TENM2: variants seen among roughly 807,000 people sequenced by gnomAD.
The protein encoded by TENM2 is teneurin transmembrane protein 2, also known as teneurin-2.
TENM2 carries 52 observed loss-of-function variants against 245.2 expected under a neutral mutation model. That is an observed-to-expected ratio of 0.21 (90% CI 0.17 to 0.27). The LOEUF (loss-of-function observed/expected upper bound fraction) is 0.27. TENM2 is among the 10% of genes least tolerant of loss of function. The pLI, the probability that TENM2 is intolerant of heterozygous loss-of-function variation, is 1.00. For synonymous variants in TENM2, 1,363 were observed against 1,438.9 expected (o/e 0.95, Z 1.19); for missense variants, 3,046 against 3,666.8 (o/e 0.83, Z 4.37).
At chr5:167,827,412 C>T (rs1768057740) in intron 2 of TENM2, among the ~76,000 whole-genome samples, 1 of 152,116 alleles carries the variant, frequency 6.6e-6, no homozygotes, top group African/African-American at 2.4e-5. Context: ...CATGGCTTAA[C>T]TTGTACACAG....
At chr5:168,151,203 A>G (rs1159698124) in intron 12 of TENM2, among the ~76,000 whole-genome samples, 1 of 152,210 alleles carries the variant, frequency 6.6e-6, no homozygotes, top group Non-Finnish European at 1.5e-5. Flanking sequence ...GGGGAGTTCT[A>G]TTGACAACTT....
At chr5:167,561,972 C>T (rs1217531337) in intron 2 of TENM2, among the ~76,000 whole-genome samples, 1 of 152,130 alleles carries the variant, frequency 6.6e-6, no homozygotes, top group Non-Finnish European at 1.5e-5. Context: ...GTCTCTGTGC[C>T]TGTTGGTGCT....
chr5:167,469,873 C>A (rs2127507820), intron 2 of TENM2, among the ~76,000 whole-genome samples: 1 of 152,070 alleles, frequency 6.6e-6, no homozygotes, highest in Non-Finnish European at 1.5e-5. Context: ...AAATTTCTTA[C>A]CTTTCAGAAA....
intron 2 of TENM2, among the ~76,000 whole-genome samples, chr5:167,791,898 A>T (rs755983984): frequency 9.9e-5 from 15 of 152,092 alleles, no homozygotes; most frequent in Non-Finnish European, 1.8e-4. Context: ...GATGGAACAT[A>T]CATTTTCCAG....
At chr5:167,510,649 G>C (rs951491375) in intron 2 of TENM2, among the ~76,000 whole-genome samples, 1 of 151,184 alleles carries the variant, frequency 6.6e-6, no homozygotes, top group South Asian at 2.1e-4. Context: ...AGGAAGGAAG[G>C]AAAGAAAGAG....
chr5:167,698,717 T>C (rs1165983681), intron 2 of TENM2, among the ~76,000 whole-genome samples: 3 of 140,826 alleles, frequency 2.1e-5, no homozygotes, highest in South Asian at 2.3e-4. Flanking sequence ...ATAATCTCGC[T>C]CTTTTGCCCC....
intron 9 of TENM2, among the ~76,000 whole-genome samples, chr5:168,107,090 C>T (rs765253339): frequency 6.6e-6 from 1 of 152,010 alleles, no homozygotes; most frequent in Non-Finnish European, 1.5e-5. Context: ...ATCTTCTGAC[C>T]TCAGAGCCTG....
chr5:167,588,526 G>A (rs938652786), intron 2 of TENM2, among the ~76,000 whole-genome samples: 11 of 152,144 alleles, frequency 7.2e-5, no homozygotes, highest in Admixed American at 7.2e-4. Context: ...CATTGTTAAG[G>A]GATATTGTTT....
At chr5:168,210,007 C>G (rs6876382) in intron 19 of TENM2, among the ~76,000 whole-genome samples, 13,970 of 152,142 alleles carry the variant, frequency 0.092, 919 homozygotes, top group East Asian at 0.27. Flanking sequence ...TCTCAATTCT[C>G]CCATCTGAAA....
At chr5:167,587,473 G>T (rs1775585586) in intron 2 of TENM2, among the ~76,000 whole-genome samples, 1 of 152,168 alleles carries the variant, frequency 6.6e-6, no homozygotes, top group Non-Finnish European at 1.5e-5. Context: ...TTTGGAAGGA[G>T]AAGCATGATA....
In TENM2 at chr5:167,313,916, A is replaced by T. The variant is rs531440806; in HGVS notation, c.226+28853A>T. On this transcript the variant is annotated intron_variant, in intron 1 of 28. Transcript: ENST00000518659. ...CCCATTTGGAGTAAAGAACGTCCAG[A>T]TGTCCTCAAAATAAGTGTCCTTTCT... 3.9e-5 allele frequency among the ~76,000 whole-genome samples: 6 copies of T among 152,334 alleles called. No individual in the cohort carries two copies. The South Asian group carries it at 1.2e-3, about 32-fold the overall frequency.
At chr5:167,303,077 GGTTA>G (rs1383936512) in intron 1 of TENM2, 2 of 153,108 alleles carry the variant, frequency 1.3e-5, no homozygotes, top group African/African-American at 4.8e-5. Context: ...GATGGTTGAC[GGTTA>G]GTGAGAGAGG....
chr5:167,587,893 C>G (rs117203451), intron 2 of TENM2, among the ~76,000 whole-genome samples: 2 of 152,160 alleles, frequency 1.3e-5, no homozygotes, highest in African/African-American at 4.8e-5. Flanking sequence ...TTTTTCCCCC[C>G]TTAGCCCGTG....
intron 2 of TENM2, among the ~76,000 whole-genome samples, chr5:167,698,212 T>C (rs1757896478): frequency 6.6e-6 from 1 of 152,222 alleles, no homozygotes; most frequent in Admixed American, 6.5e-5. Flanking sequence ...CCTGGTTGTT[T>C]TTACCTTCGT....
chr5:168,262,643 G>C (rs751228959), exon 29 of TENM2: 1 of 1,601,292 alleles, frequency 6.2e-7, no homozygotes, highest in Admixed American at 1.7e-5. Flanking sequence ...GGACGGGAGA[G>C]AGGGGAGCCG....
Position 167,538,420 on chromosome 5 carries a change from T to G in TENM2, c.502+162947T>G, listed in dbSNP as rs1233846700. On this transcript the variant is annotated intron_variant, in intron 2 of 28. Coordinates refer to ENST00000518659, the Ensembl canonical transcript of TENM2. ...AGGTTCTGTCAGTCAGCCTGCTGGA[T>G]TGACTGGTGATGTCTTGATTGGGTA... 2.0e-5 allele frequency among the ~76,000 whole-genome samples: 3 copies of G among 152,224 alleles called. No individual in the cohort carries two copies. The East Asian group carries it at 5.8e-4, about 29-fold the overall frequency.
chr5:168,170,362 G>A (rs973348285), intron 13 of TENM2, among the ~76,000 whole-genome samples: 1 of 151,948 alleles, frequency 6.6e-6, no homozygotes, highest in Non-Finnish European at 1.5e-5. Flanking sequence ...AAATTAGCCG[G>A]GCATAGTGGC....
chr5:167,556,308 C>T (rs1307008910), intron 2 of TENM2, among the ~76,000 whole-genome samples: 2 of 151,896 alleles, frequency 1.3e-5, no homozygotes, highest in African/African-American at 4.8e-5. Context: ...AAACTTAATT[C>T]AATGGTAGCC....
intron 3 of TENM2, among the ~76,000 whole-genome samples, chr5:167,887,108 G>A (rs531313938): frequency 6.6e-6 from 1 of 152,188 alleles, no homozygotes; most frequent in Non-Finnish European, 1.5e-5. Context: ...TTTCCTCAGA[G>A]CTTTCCCAAC....
Sources: allele counts gnomAD v4.1 joint callset (sites outside exome capture counted in the v4.1 genomes callset), GRCh38; gene constraint gnomAD v4.1.1; transcripts MANE v1.5; gene names NCBI Gene and HGNC (gene_info 2026-07-23, HGNC 2026-07-21).